The following PARD3 variants were observed in gnomAD, a reference collection of about 807,000 sequenced individuals.
PARD3 encodes par-3 family cell polarity regulator.
PARD3 carries 75 observed loss-of-function variants against 155.4 expected under a neutral mutation model. The observed-to-expected ratio is 0.48, with a 90% CI of 0.40 to 0.58. The LOEUF (loss-of-function observed/expected upper bound fraction) is 0.58, where lower values mean the gene tolerates loss of function less well. Among genes scored for constraint, PARD3 ranks in the 20% least tolerant of loss-of-function variants. The pLI is 0.00. For missense variants in PARD3, 1,642 were observed against 1,721.7 expected, an observed-to-expected ratio of 0.95 and a Z score of 0.82; for synonymous variants, 576 against 610.5, an observed-to-expected ratio of 0.94 and a Z score of 0.83.
chr10:34,743,446 T>C (rs372241462), intron 1 of PARD3, among the ~76,000 whole-genome samples: 42 of 152,302 alleles, frequency 2.8e-4, no homozygotes, highest in African/African-American at 8.9e-4. Flanking sequence ...TCTATCCTAA[T>C]AGGACTCCAA....
intron 2 of PARD3, among the ~76,000 whole-genome samples, chr10:34,628,421 A>G (rs1222966002): frequency 6.6e-6 from 1 of 152,266 alleles, no homozygotes; most frequent in African/African-American, 2.4e-5. Flanking sequence ...AAGGCTCAGC[A>G]CATGCTTCTG....
chr10:34,814,837 G>GC, intron 1 of PARD3, 39 bp downstream of exon 1: 3 of 605,566 alleles, frequency 5.0e-6, no homozygotes, highest in African/African-American at 2.1e-5. Context: ...CGCCGTCCCC[G>GC]CCGCCGCCCC....
At chr10:34,788,949 G>T (rs944778811) in intron 1 of PARD3, among the ~76,000 whole-genome samples, 1 of 152,096 alleles carries the variant, frequency 6.6e-6, no homozygotes, top group Non-Finnish European at 1.5e-5. Flanking sequence ...CAGAAACTGA[G>T]GGCCTTGAAA....
chr10:34,308,663 T>G (rs1201487662), intron 20 of PARD3, among the ~76,000 whole-genome samples: 1 of 151,564 alleles, frequency 6.6e-6, no homozygotes, highest in Non-Finnish European at 1.5e-5. Context: ...GATCTCCAAG[T>G]GAATGTGTCA....
intron 22 of PARD3, among the ~76,000 whole-genome samples, chr10:34,159,544 T>C (rs745829621): frequency 7.2e-5 from 11 of 152,224 alleles, no homozygotes; most frequent in Admixed American, 1.3e-4. Context: ...ATAATCTGAA[T>C]AGCAAATGTT....
intron 22 of PARD3, among the ~76,000 whole-genome samples, chr10:34,258,124 G>A (rs1235907015): frequency 6.6e-6 from 1 of 152,160 alleles, no homozygotes; most frequent in Non-Finnish European, 1.5e-5. Flanking sequence ...TGTCTTACAG[G>A]CCCGTAAACA....
chr10:34,753,281 C>G (rs529588270), intron 1 of PARD3, among the ~76,000 whole-genome samples: 1 of 152,336 alleles, frequency 6.6e-6, no homozygotes, highest in African/African-American at 2.4e-5. Context: ...GCTGGGGACA[C>G]CCTTGGAGAA....
chr10:34,406,195 TAA>T (rs1177889641), intron 5 of PARD3, among the ~76,000 whole-genome samples: 2 of 152,320 alleles, frequency 1.3e-5, no homozygotes, highest in African/African-American at 4.8e-5. Flanking sequence ...TAAATTCTAC[TAA>T]AAGTCATATC....
intron 4 of PARD3, among the ~76,000 whole-genome samples, chr10:34,456,665 C>A (rs1327024236): frequency 2.6e-5 from 4 of 152,010 alleles, no homozygotes; most frequent in African/African-American, 9.7e-5. Flanking sequence ...AATAATTTTT[C>A]CAAGCAAATT....
At chr10:34,402,177 GAAAA>G (rs1843958001) in intron 5 of PARD3, among the ~76,000 whole-genome samples, 2 of 152,116 alleles carry the variant, frequency 1.3e-5, no homozygotes, top group African/African-American at 2.4e-5. Context: ...AAAAAACAAA[GAAAA>G]AACTTATCTT....
intron 22 of PARD3, among the ~76,000 whole-genome samples, chr10:34,136,245 T>C (rs1221100079): frequency 6.6e-6 from 1 of 152,186 alleles, no homozygotes; most frequent in Non-Finnish European, 1.5e-5. Context: ...TAGTCTTGTT[T>C]CTCCTAAACT....
chr10:34,469,761 G>A (rs977721592), intron 4 of PARD3, among the ~76,000 whole-genome samples: 2 of 152,260 alleles, frequency 1.3e-5, no homozygotes, highest in African/African-American at 4.8e-5. Flanking sequence ...AGGAGACCAG[G>A]AGACACAGCA....
At chr10:34,573,720 CAAACAAACAAACAAAA>C (rs199781943) in intron 2 of PARD3, among the ~76,000 whole-genome samples, 7,631 of 128,334 alleles carry the variant, frequency 0.059, 619 homozygotes, top group African/African-American at 0.2. Flanking sequence ...AACAAACAAA[CAAACAAACAAACAAAA>C]ACACACACAC....
At chr10:34,521,147 A>C (rs2082119442) in intron 2 of PARD3, among the ~76,000 whole-genome samples, 1 of 152,212 alleles carries the variant, frequency 6.6e-6, no homozygotes, top group Non-Finnish European at 1.5e-5. Flanking sequence ...GAGCTTATAC[A>C]TATATATTAG....
At chr10:34,564,123 TG>T (rs1187241481) in intron 2 of PARD3, among the ~76,000 whole-genome samples, 3 of 152,222 alleles carry the variant, frequency 2.0e-5, no homozygotes, top group African/African-American at 7.2e-5. Context: ...ACCTTCTCTA[TG>T]CATGAAATGA....
At chr10:34,451,775 T>TC (rs2077072285) in intron 4 of PARD3, among the ~76,000 whole-genome samples, 1 of 144,546 alleles carries the variant, frequency 6.9e-6, no homozygotes, top group African/African-American at 2.5e-5. Context: ...AGCAGCAAGT[T>TC]TTTTTTTTTT....
At chr10:34,254,147 C>A (rs1954500670) in intron 22 of PARD3, among the ~76,000 whole-genome samples, 1 of 152,050 alleles carries the variant, frequency 6.6e-6, no homozygotes, top group Admixed American at 6.6e-5. Flanking sequence ...TTTGGGAGGC[C>A]AAGGCGGGTG....
chr10:34,367,402 T>C (rs1840066816), intron 12 of PARD3, among the ~76,000 whole-genome samples: 1 of 152,218 alleles, frequency 6.6e-6, no homozygotes. Context: ...AACACAGTTA[T>C]ATAAGAAAAT....
Position 34,414,218 on chromosome 10 carries a change from C to A in PARD3, c.715-12301G>T, listed in dbSNP as rs534744629. 6.5e-4 allele frequency among the ~76,000 whole-genome samples: 97 copies of A among 149,514 alleles called. 3 individuals are homozygous for A. Among genetic ancestry groups the A allele is most frequent in the Admixed American group, 6.4e-3 (96 of 15,088 alleles). On this transcript the variant is annotated intron_variant, in intron 5 of 24. Transcript: ENST00000374788. ...CCTGGGTGACAGAGCAAGACCCTCG[C>A]TCTTAAAAAAAAAAAGGGAGGGGGG...
Sources: gnomAD v4.1 joint callset for allele counts (sites outside exome capture counted in the v4.1 genomes callset) on GRCh38, gnomAD v4.1.1 for gene constraint, MANE v1.5 for transcripts, NCBI Gene and HGNC (gene_info 2026-07-23, HGNC 2026-07-21) for gene names.